Variants in VAV3 observed in about 807,000 individuals in gnomAD.
VAV3 encodes guanine nucleotide exchange factor VAV3.
In VAV3, 94 loss-of-function variants were observed where a neutral mutation model predicts 131.2. The observed-to-expected ratio is 0.72, with a 90% CI of 0.61 to 0.85. The LOEUF (loss-of-function observed/expected upper bound fraction) is 0.85. Ranked by LOEUF, VAV3 falls within the 40% of genes least tolerant of loss-of-function variation. The pLI, the probability that VAV3 is intolerant of heterozygous loss-of-function variation, is 0.00. For missense variants in VAV3, 939 were observed against 1,002.7 expected (o/e 0.94, Z 0.86); for synonymous variants, 349 against 342.0 (o/e 1.02, Z -0.22).
intron 1 of VAV3, among the ~76,000 whole-genome samples, chr1:107,912,951 A>C (rs1331714531): frequency 6.6e-6 from 1 of 152,242 alleles, no homozygotes; most frequent in Non-Finnish European, 1.5e-5. Flanking sequence ...GGATCAAGGA[A>C]GTCAACATGC....
At chr1:107,878,670 C>A (rs1670622569) in intron 1 of VAV3, among the ~76,000 whole-genome samples, 2 of 152,114 alleles carry the variant, frequency 1.3e-5, no homozygotes, top group Non-Finnish European at 2.9e-5. Context: ...CATCAGAAGA[C>A]ACAAAATGTT....
At chr1:107,659,731 T>C (rs2101618252) in intron 19 of VAV3, among the ~76,000 whole-genome samples, 1 of 152,322 alleles carries the variant, frequency 6.6e-6, no homozygotes, top group African/African-American at 2.4e-5. Flanking sequence ...ATGCTGGTAT[T>C]AAGGATATGC....
Position 107,765,182 on chromosome 1 carries a change from G to A in VAV3, c.822-7C>T. ...CTGCCCGTAAATAACCAATCTGAAA[G>A]GGAAAAAAGACAAGAAATCTCTAAG... On this transcript the variant is annotated splice_polypyrimidine_tract_variant and splice_region_variant and intron_variant, in intron 8 of 26. Coordinates refer to ENST00000370056, the MANE Select transcript of VAV3 (RefSeq NM_006113.5). 1 of 1,606,040 alleles carries A rather than the reference G, an allele frequency of 6.2e-7. No individual in the cohort carries two copies.
chr1:107,691,893 G>A (rs1659449451), intron 17 of VAV3, among the ~76,000 whole-genome samples: 1 of 152,052 alleles, frequency 6.6e-6, no homozygotes, highest in African/African-American at 2.4e-5. Context: ...TTTCATGGAA[G>A]CTTTAAATTT....
chr1:107,863,984 T>C (rs181862397), intron 2 of VAV3, among the ~76,000 whole-genome samples: 20 of 152,296 alleles, frequency 1.3e-4, no homozygotes, highest in Non-Finnish European at 2.5e-4. Context: ...TCTAAAAGTT[T>C]AAAATTTTAA....
intron 1 of VAV3, among the ~76,000 whole-genome samples, chr1:107,956,952 T>C (rs1208996589): frequency 6.6e-6 from 1 of 152,138 alleles, no homozygotes; most frequent in East Asian, 1.9e-4. Context: ...AAATGAAAAC[T>C]GAATCAGGAA....
At chr1:107,623,342 A>G (rs114771160) in intron 20 of VAV3, among the ~76,000 whole-genome samples, 1,949 of 152,290 alleles carry the variant, frequency 0.013, 44 homozygotes, top group African/African-American at 0.044. Flanking sequence ...TTTTATCTAT[A>G]ATATTGTTTC....
chr1:107,749,186 C>A, intron 14 of VAV3, 109 bp from the exon 15 acceptor site: 1 of 893,140 alleles, frequency 1.1e-6, no homozygotes, highest in Non-Finnish European at 1.7e-6. Context: ...TATCAATGTA[C>A]AAACTGAACA....
At chr1:107,777,106 A>G in intron 4 of VAV3, 125 bp downstream of exon 4, 1 of 822,290 alleles carries the variant, frequency 1.2e-6, no homozygotes, top group Non-Finnish European at 2.0e-6. Flanking sequence ...TCGCCAGTTT[A>G]AGGTTAATCA....
intron 2 of VAV3, chr1:107,785,459 G>T: frequency 7.5e-7 from 1 of 1,330,294 alleles, no homozygotes; most frequent in Non-Finnish European, 9.9e-7. Context: ...GGTACTTACA[G>T]GGAGGTGGGC....
intron 2 of VAV3, among the ~76,000 whole-genome samples, chr1:107,811,651 TA>T (rs1226824335): frequency 5.3e-5 from 8 of 152,054 alleles, no homozygotes; most frequent in Non-Finnish European, 8.8e-5. Flanking sequence ...CTGGAATTCA[TA>T]AAAAAGCAGA....
intron 1 of VAV3, among the ~76,000 whole-genome samples, chr1:107,922,857 C>T (rs900821069): frequency 2.5e-4 from 38 of 150,402 alleles, no homozygotes; most frequent in African/African-American, 6.6e-4. Flanking sequence ...GAGGCTGAGG[C>T]GGGAGAATGG....
intron 1 of VAV3, among the ~76,000 whole-genome samples, chr1:107,921,898 C>A (rs868039334): frequency 1.3e-5 from 2 of 152,162 alleles, no homozygotes; most frequent in African/African-American, 4.8e-5. Context: ...CTATTCCTTG[C>A]TATTACACTA....
At chr1:107,816,149 G>T (rs1570992111) in intron 2 of VAV3, among the ~76,000 whole-genome samples, 1 of 152,068 alleles carries the variant, frequency 6.6e-6, no homozygotes, top group African/African-American at 2.4e-5. Context: ...TGTGGCCCAG[G>T]GGTTGAGGAC....
At chr1:107,703,046 C>T (rs1311323550) in intron 17 of VAV3, among the ~76,000 whole-genome samples, 1 of 152,122 alleles carries the variant, frequency 6.6e-6, no homozygotes, top group Non-Finnish European at 1.5e-5. Context: ...TTCTCCTACA[C>T]TATTTCCTTT....
chr1:107,908,386 G>A (rs1672204111), intron 1 of VAV3, among the ~76,000 whole-genome samples: 1 of 152,150 alleles, frequency 6.6e-6, no homozygotes, highest in Non-Finnish European at 1.5e-5. Context: ...TATCCTCAAA[G>A]TAAGATCGGT....
intron 9 of VAV3, among the ~76,000 whole-genome samples, chr1:107,761,312 G>T (rs1351389674): frequency 6.7e-6 from 1 of 149,802 alleles, no homozygotes; most frequent in Non-Finnish European, 1.5e-5. Flanking sequence ...AGAATGGAGT[G>T]AACCCGGGAG....
chr1:107,783,709 C>T (rs1464091404), intron 2 of VAV3, among the ~76,000 whole-genome samples: 1 of 152,068 alleles, frequency 6.6e-6, no homozygotes, highest in African/African-American at 2.4e-5. Context: ...CATAACTCCA[C>T]CGTAGCATCT....
At chr1:107,847,995 A>T (rs572791164) in intron 2 of VAV3, among the ~76,000 whole-genome samples, 1 of 152,322 alleles carries the variant, frequency 6.6e-6, no homozygotes, top group South Asian at 2.1e-4. Context: ...TCTGATGAAC[A>T]TCAATGCAAA....
Sources: allele counts gnomAD v4.1 joint callset (sites outside exome capture counted in the v4.1 genomes callset), GRCh38; gene constraint gnomAD v4.1.1; transcripts MANE v1.5; gene names NCBI Gene and HGNC (gene_info 2026-07-23, HGNC 2026-07-21).